The following PIP4P1 variants were observed in gnomAD, a reference collection of about 807,000 sequenced individuals.
The protein encoded by PIP4P1 is type 1 phosphatidylinositol 4,5-bisphosphate 4-phosphatase.
PIP4P1 carries 14 observed loss-of-function variants against 32.3 expected under a neutral mutation model. That is an observed-to-expected ratio of 0.43 (90% CI 0.29 to 0.68). The LOEUF (loss-of-function observed/expected upper bound fraction) is 0.68, where lower values mean the gene tolerates loss of function less well. PIP4P1 is among the 30% of genes least tolerant of loss of function. The probability of loss-of-function intolerance (pLI) is 0.15; values close to 1 mark genes in which losing one functional copy is unlikely to be tolerated. For missense variants in PIP4P1, 289 were observed against 364.5 expected (o/e 0.79, Z 1.69); for synonymous variants, 132 against 137.9 (o/e 0.96, Z 0.30).
In PIP4P1 at chr14:20,458,407, C is replaced by T; in HGVS notation, c.*152G>A. 1 of 1,098,290 alleles carries T rather than the reference C, an allele frequency of 9.1e-7. No homozygotes were observed. The highest frequency in any genetic ancestry group is 1.3e-6 in the Non-Finnish European group (1 of 745,382). The allele number at this position is 1,098,290 out of a possible 1,614,324, so 68.0% of individuals were successfully genotyped here. A position where few individuals can be genotyped will look rare whatever the true frequency, so the allele number is the denominator to read the frequency against. On this transcript the variant is annotated 3_prime_UTR_variant, in exon 7 of 7. Transcript: ENST00000250489. ...CTGCCCCTCCAAACCTAAGTGAGGGCCTGGTTCCTTCCTACCTCTCCCCAG... is the reference window on the plus strand; with the variant it reads ...CTGCCCCTCCAAACCTAAGTGAGGGTCTGGTTCCTTCCTACCTCTCCCCAG...
chr14:20,458,102 G>A lies in PIP4P1; in HGVS notation c.*457C>T, dbSNP rs1406138152. 4 of 362,202 alleles carry A rather than the reference G, an allele frequency of 1.1e-5. No homozygotes were observed. In the Admixed American group the frequency reaches 1.5e-4, roughly 14 times the overall value. 22.4% of individuals were successfully genotyped at this position (362,202 alleles called of 1,614,324 possible). ...CCACCCCCACAGGACACAATGTGGG[G>A]AGAGGAGACTGAGGGTACTGAGGCC... On this transcript the variant is annotated 3_prime_UTR_variant, in exon 7 of 7. Coordinates refer to ENST00000250489, the MANE Select transcript of PIP4P1 (RefSeq NM_144568.4).
At chr14:20,459,824 C>G (rs1254856873) in intron 3 of PIP4P1, 91 bp from the exon 4 acceptor site, 1 of 921,242 alleles carries the variant, frequency 1.1e-6, no homozygotes, top group Non-Finnish European at 1.7e-6. Flanking sequence ...CCACATCCCC[C>G]ACTCCCTGTC....
At position 20,458,718 on chromosome 14, in the gene PIP4P1, A is replaced by T; in HGVS notation, c.691-16T>A. The T allele has an allele frequency of 1.9e-6, 3 of 1,605,516 alleles. No individual in the cohort carries two copies. The highest frequency in any genetic ancestry group is 2.5e-6 in the Non-Finnish European group (3 of 1,176,592). ...ATGTGCCAAACTGATGAAGATAAGG[A>T]GGGAGAAGAAAAGAAAGATGGGGTT... On this transcript the variant is annotated splice_polypyrimidine_tract_variant and intron_variant, in intron 6 of 6. Transcript: ENST00000250489.
At chr14:20,461,129 C>G in intron 1 of PIP4P1, 55 bp downstream of exon 1, 1 of 1,268,232 alleles carries the variant, frequency 7.9e-7, no homozygotes, top group Non-Finnish European at 1.0e-6. Context: ...TTTCAGAGTA[C>G]CCCGGGGAGC....
At position 20,458,166 on chromosome 14, in the gene PIP4P1, G is replaced by C. The variant is rs1276666348; in HGVS notation, c.*393C>G. 2.5e-6 allele frequency: 1 copy of C among 401,352 alleles called. No homozygotes were observed. The highest frequency in any genetic ancestry group is 1.9e-5 in the South Asian group (1 of 52,736). 24.9% of individuals were successfully genotyped at this position (401,352 alleles called of 1,614,324 possible). A position where few individuals can be genotyped will look rare whatever the true frequency, so the allele number is the denominator to read the frequency against. On this transcript the variant is annotated 3_prime_UTR_variant, in exon 7 of 7. Coordinates refer to ENST00000250489, the MANE Select transcript of PIP4P1 (RefSeq NM_144568.4). Reference sequence around the variant, plus strand: ...GGTGAAGTGCAATAGCAGCAGCAAAGTCCTAATGGTGCACAAGAGGGAGGG... The same window carrying C: ...GGTGAAGTGCAATAGCAGCAGCAAACTCCTAATGGTGCACAAGAGGGAGGG...
In PIP4P1 at chr14:20,461,245, G is replaced by C; in HGVS notation, c.81C>G (p.Pro27=). 1 of 1,269,076 alleles carries C rather than the reference G, an allele frequency of 7.9e-7. No individual in the cohort carries two copies. Among genetic ancestry groups the C allele is most frequent in the Non-Finnish European group, 1.0e-6 (1 of 1,002,744 alleles). The allele number at this position is 1,269,076 out of a possible 1,614,324, so 78.6% of individuals were successfully genotyped here. A position where few individuals can be genotyped will look rare whatever the true frequency, so the allele number is the denominator to read the frequency against. The part of the protein sequence containing the change: ...GGAGGNGLVG[P]GGSGAGPGGG... ...CCCCGGGCCCAGCCCCACTCCCGCC[G>C]GGCCCCACTAAACCGTTGCCGCCCG... Residue 27 remains proline (P), a synonymous_variant, in exon 1 of 7, where the codon CCC becomes CCG. Transcript: ENST00000250489.
intron 3 of PIP4P1, 84 bp from the exon 4 acceptor site, chr14:20,459,817 C>CATCCCCCACTCCCTGTCTATT (rs1881634062): frequency 1.0e-6 from 1 of 989,134 alleles, no homozygotes; most frequent in Non-Finnish European, 1.6e-6. Context: ...CCCTGTTCCA[C>CATCCCCCACTCCCTGTCTATT]ATCCCCCACT....
intron 2 of PIP4P1, 108 bp from the exon 3 acceptor site, chr14:20,460,406 G>C: frequency 4.6e-6 from 4 of 875,696 alleles, no homozygotes; most frequent in Non-Finnish European, 5.3e-6. Context: ...AACCAGGAAG[G>C]AGAAATAAAA....
At chr14:20,460,968 C>A in intron 1 of PIP4P1, 123 bp from the exon 2 acceptor site, 2 of 1,294,906 alleles carry the variant, frequency 1.5e-6, no homozygotes, top group Non-Finnish European at 2.0e-6. Context: ...TCATAATTGG[C>A]ACTTCTATCA....
At position 20,458,170 on chromosome 14, in the gene PIP4P1, T is replaced by G; in HGVS notation, c.*389A>C. ...AAGTGCAATAGCAGCAGCAAAGTCC[T>G]AATGGTGCACAAGAGGGAGGGGAAC... On this transcript the variant is annotated 3_prime_UTR_variant, in exon 7 of 7. Coordinates refer to ENST00000250489, the MANE Select transcript of PIP4P1 (RefSeq NM_144568.4). 2.5e-6 allele frequency: 1 copy of G among 405,858 alleles called. No individual in the cohort carries two copies. The highest frequency in any genetic ancestry group is 4.8e-6 in the Non-Finnish European group (1 of 206,780). The allele number at this position is 405,858 out of a possible 1,614,324, so 25.1% of individuals were successfully genotyped here.
At chr14:20,459,011 GGCT>G in intron 6 of PIP4P1, 192 bp downstream of exon 6, 2 of 643,650 alleles carry the variant, frequency 3.1e-6, no homozygotes, top group East Asian at 2.7e-5. Flanking sequence ...GAGAAAGGAA[GGCT>G]GTTTTTCACT....
chr14:20,461,182 AC>A lies in PIP4P1; in HGVS notation c.142+1del. 1 of 1,258,998 alleles carries A rather than the reference AC, an allele frequency of 7.9e-7. No individual in the cohort carries two copies. Among genetic ancestry groups the A allele is most frequent in the Non-Finnish European group, 1.0e-6 (1 of 996,758 alleles). The allele number at this position is 1,258,998 out of a possible 1,614,324, so 78.0% of individuals were successfully genotyped here. A position where few individuals can be genotyped will look rare whatever the true frequency, so the allele number is the denominator to read the frequency against. ...GCTTACCCTGGGGCGGGGCATGTTT[AC>A]CGGCTCCGTACGGTGGTGCGGAGGG... On this transcript the variant is annotated splice_donor_variant, in intron 1 of 6. Coordinates refer to ENST00000250489, the MANE Select transcript of PIP4P1 (RefSeq NM_144568.4). LOFTEE classifies it high-confidence loss of function.
In PIP4P1 at chr14:20,461,185, G is replaced by A. The variant is rs1881695159; in HGVS notation, c.141C>T (p.Ala47=). Residue 47 remains alanine, a splice_region_variant and synonymous_variant, in exon 1 of 7, where the codon GCC becomes GCT. Coordinates refer to ENST00000250489, the MANE Select transcript of PIP4P1 (RefSeq NM_144568.4). ...TACCCTGGGGCGGGGCATGTTTACC[G>A]GCTCCGTACGGTGGTGCGGAGGGGG... ...GLTPSAPPYG[A]AFPPFPEGHP... The A allele has an allele frequency of 7.9e-7, 1 of 1,260,548 alleles. No individual in the cohort carries two copies. Among genetic ancestry groups the A allele is most frequent in the Non-Finnish European group, 1.0e-6 (1 of 997,346 alleles). 78.1% of individuals were successfully genotyped at this position (1,260,548 alleles called of 1,614,324 possible). A position where few individuals can be genotyped will look rare whatever the true frequency, so the allele number is the denominator to read the frequency against.
intron 1 of PIP4P1, 120 bp downstream of exon 1, chr14:20,461,064 C>T (rs1290433015): frequency 7.9e-7 from 1 of 1,264,622 alleles, no homozygotes; most frequent in African/African-American, 1.6e-5. Flanking sequence ...GTGCAGCAGT[C>T]CCGCACCTGG....
rs571008919 is a variant in PIP4P1, at chr14:20,459,060, T to C, written c.690+146A>G. 10 of 806,446 alleles carry C rather than the reference T, an allele frequency of 1.2e-5. No individual in the cohort carries two copies. The South Asian group carries it at 1.4e-4, about 11-fold the overall frequency. The allele number at this position is 806,446 out of a possible 1,614,324, so 50.0% of individuals were successfully genotyped here. On this transcript the variant is annotated intron_variant, in intron 6 of 6. Transcript: ENST00000250489. ...TAATAAAGTCTGTTTGATCAGCCAC[T>C]TTGCACTTTAGCTCATCCATATCTT...
chr14:20,459,323 G>A (rs777382614), intron 5 of PIP4P1, 27 bp from the exon 6 acceptor site: 13 of 1,612,892 alleles, frequency 8.1e-6, no homozygotes, highest in Middle Eastern at 1.7e-4. Context: ...AGAAATGGAT[G>A]CTTTCTATGG....
In PIP4P1 at chr14:20,457,833, A is replaced by G. The variant is rs1047396448; in HGVS notation, c.*726T>C. On this transcript the variant is annotated 3_prime_UTR_variant, in exon 7 of 7. Coordinates refer to ENST00000250489, the MANE Select transcript of PIP4P1 (RefSeq NM_144568.4). Reference sequence around the variant, plus strand: ...CATTCTCTTCCTCATATTTTCATGCACACAAGTTAACAACTGAAAAAGCGT... The same window carrying G: ...CATTCTCTTCCTCATATTTTCATGCGCACAAGTTAACAACTGAAAAAGCGT... 3 of 402,130 alleles carry G rather than the reference A, an allele frequency of 7.5e-6. No homozygotes were observed. The highest frequency in any genetic ancestry group is 1.4e-5 in the Non-Finnish European group (3 of 214,630). 24.9% of individuals were successfully genotyped at this position (402,130 alleles called of 1,614,324 possible). A position where few individuals can be genotyped will look rare whatever the true frequency, so the allele number is the denominator to read the frequency against.
Position 20,460,305 on chromosome 14 carries a change from A to AATAATAGGGTCATCAGC in PIP4P1, c.334-24_334-8dup. On this transcript the variant is annotated splice_polypyrimidine_tract_variant and splice_region_variant and intron_variant, in intron 2 of 6. Transcript: ENST00000250489. ...GGGGTGCATTCTTGATTGGCTAGAG[A>AATAATAGGGTCATCAGC]ATAATAGGGTCATCAGCAAGCAAAC... 1 of 1,604,240 alleles carries AATAATAGGGTCATCAGC rather than the reference A, an allele frequency of 6.2e-7. No homozygotes were observed.
chr14:20,458,198 C>T lies in PIP4P1; in HGVS notation c.*361G>A. 2.2e-6 allele frequency: 1 copy of T among 449,952 alleles called. No individual in the cohort carries two copies. Among genetic ancestry groups the T allele is most frequent in the Non-Finnish European group, 4.4e-6 (1 of 229,418 alleles). The allele number at this position is 449,952 out of a possible 1,614,324, so 27.9% of individuals were successfully genotyped here. On this transcript the variant is annotated 3_prime_UTR_variant, in exon 7 of 7. Transcript: ENST00000250489. ...TGGTGCACAAGAGGGAGGGGAACCCCCAGGGCTACCCACCCCCACCCTGCC... is the reference window on the plus strand; with the variant it reads ...TGGTGCACAAGAGGGAGGGGAACCCTCAGGGCTACCCACCCCCACCCTGCC...
Sources: gnomAD v4.1 joint callset for allele counts on GRCh38, gnomAD v4.1.1 for gene constraint, MANE v1.5 for transcripts, NCBI Gene and HGNC (gene_info 2026-07-23, HGNC 2026-07-21) for gene names.